XYLT1: variants seen among roughly 807,000 people sequenced by gnomAD.
XYLT1 encodes beta-D-xylosyltransferase 1.
Under a neutral mutation model 91.3 loss-of-function variants are expected in XYLT1, and 36 were observed. The observed-to-expected ratio is 0.39, with a 90% CI of 0.30 to 0.52. The LOEUF (loss-of-function observed/expected upper bound fraction) is 0.52. Ranked by LOEUF, XYLT1 falls within the 20% of genes least tolerant of loss-of-function variation. XYLT1 has a pLI of 0.68. For synonymous variants in XYLT1, 588 were observed against 532.0 expected (o/e 1.11, Z -1.45); for missense variants, 1,242 against 1,284.5 (o/e 0.97, Z 0.51).
chr16:17,249,733 A>T (rs2033506784), intron 3 of XYLT1: 1 of 152,208 alleles, frequency 6.6e-6, no homozygotes, highest in Non-Finnish European at 1.5e-5. Context: ...CAGTGGTGTG[A>T]TCTCAGCTCA....
intron 1 of XYLT1, among the ~76,000 whole-genome samples, chr16:17,423,665 A>G: frequency 6.6e-6 from 1 of 151,300 alleles, no homozygotes; most frequent in East Asian, 2.0e-4. Flanking sequence ...GCTGGAGTGC[A>G]TTGGTGCAAT....
At chr16:17,198,093 A>G (rs1252362919) in intron 5 of XYLT1, 119 bp downstream of exon 5, 1 of 1,034,308 alleles carries the variant, frequency 9.7e-7, no homozygotes, top group Non-Finnish European at 1.4e-6. Flanking sequence ...TCAGAATCCT[A>G]TCCTGAGCGA....
intron 2 of XYLT1, among the ~76,000 whole-genome samples, chr16:17,355,812 T>A (rs904003386): frequency 1.3e-5 from 2 of 152,060 alleles, no homozygotes; most frequent in African/African-American, 4.8e-5. Context: ...TGGGTCCATG[T>A]GATTCTCCTG....
At chr16:17,333,952 C>A (rs1209589640) in intron 2 of XYLT1, among the ~76,000 whole-genome samples, 2 of 152,170 alleles carry the variant, frequency 1.3e-5, no homozygotes, top group East Asian at 3.9e-4. Flanking sequence ...GGTGATCAGG[C>A]CAGAAGAGTT....
At chr16:17,452,737 TG>T (rs1209118291) in intron 1 of XYLT1, among the ~76,000 whole-genome samples, 4 of 152,200 alleles carry the variant, frequency 2.6e-5, no homozygotes, top group Admixed American at 6.5e-5. Flanking sequence ...GAAGGAAGCC[TG>T]GAAGTTTTCT....
chr16:17,268,710 T>A (rs56409870), intron 2 of XYLT1, among the ~76,000 whole-genome samples: 12 of 151,606 alleles, frequency 7.9e-5, no homozygotes, highest in African/African-American at 2.4e-5. Flanking sequence ...TCGCTCTTTG[T>A]TGCCCAGGCT....
intron 4 of XYLT1, among the ~76,000 whole-genome samples, chr16:17,199,427 AT>A (rs1467715763): frequency 1.3e-5 from 2 of 152,202 alleles, no homozygotes; most frequent in African/African-American, 2.4e-5. Flanking sequence ...GACAGAGACT[AT>A]GTGCCCTGCA....
At position 17,384,175 on chromosome 16, in the gene XYLT1, A is replaced by G. The variant is rs75773952; in HGVS notation, c.364-26125T>C. Among the ~76,000 whole-genome samples the G allele has an allele frequency of 5.7e-3, 864 of 152,016 alleles. 8 individuals carry two copies. The highest frequency in any genetic ancestry group is 9.3e-3 in the Non-Finnish European group (630 of 68,024). Reference sequence around the variant, plus strand: ...TAATAATGTATGTAAAACACTTGGCATAGAACCTGGGCTTCTATAAAGCAG... The same window carrying G: ...TAATAATGTATGTAAAACACTTGGCGTAGAACCTGGGCTTCTATAAAGCAG... On this transcript the variant is annotated intron_variant, in intron 1 of 11. Coordinates refer to ENST00000261381, the MANE Select transcript of XYLT1 (RefSeq NM_022166.4).
At chr16:17,158,403 G>A (rs936860166) in intron 6 of XYLT1, among the ~76,000 whole-genome samples, 4 of 152,192 alleles carry the variant, frequency 2.6e-5, no homozygotes, top group Admixed American at 2.6e-4. Context: ...TCTTGTTTGC[G>A]GCTAGAACAG....
chr16:17,408,697 T>C (rs924788836), intron 1 of XYLT1, among the ~76,000 whole-genome samples: 7 of 152,052 alleles, frequency 4.6e-5, no homozygotes, highest in Non-Finnish European at 4.4e-5. Flanking sequence ...AATACAAAAA[T>C]TAGCTGGGCG....
At chr16:17,298,662 G>A (rs1055922739) in intron 2 of XYLT1, among the ~76,000 whole-genome samples, 1 of 152,180 alleles carries the variant, frequency 6.6e-6, no homozygotes, top group Non-Finnish European at 1.5e-5. Flanking sequence ...ACCCGGCAGG[G>A]AAGGGGCTCC....
intron 1 of XYLT1, among the ~76,000 whole-genome samples, chr16:17,377,019 A>C (rs149381223): frequency 0.011 from 1,689 of 151,824 alleles, 23 homozygotes; most frequent in African/African-American, 0.038. Context: ...TCTTCTAAAA[A>C]TACAAAAATT....
chr16:17,261,087 C>CA (rs912616606), intron 2 of XYLT1, among the ~76,000 whole-genome samples: 1 of 151,290 alleles, frequency 6.6e-6, no homozygotes, highest in Non-Finnish European at 1.5e-5. Context: ...CACACACACA[C>CA]AAAAAATAGC....
intron 8 of XYLT1, 85 bp downstream of exon 8, chr16:17,138,270 A>G: frequency 1.3e-6 from 2 of 1,510,976 alleles, no homozygotes; most frequent in South Asian, 2.5e-5. Context: ...TGATAAGATG[A>G]CCTGCAGGTC....
intron 2 of XYLT1, among the ~76,000 whole-genome samples, chr16:17,343,879 A>C (rs893978435): frequency 1.3e-5 from 2 of 152,236 alleles, no homozygotes; most frequent in Non-Finnish European, 2.9e-5. Context: ...TCCAGGTCAC[A>C]TGAGGTCACT....
chr16:17,434,197 G>A (rs1471747242), intron 1 of XYLT1, among the ~76,000 whole-genome samples: 2 of 152,228 alleles, frequency 1.3e-5, no homozygotes, highest in Non-Finnish European at 2.9e-5. Context: ...AACCTTTGCA[G>A]ATTGCCTCCA....
chr16:17,459,928 G>T (rs769093542), intron 1 of XYLT1, among the ~76,000 whole-genome samples: 1 of 152,168 alleles, frequency 6.6e-6, no homozygotes, highest in Non-Finnish European at 1.5e-5. Flanking sequence ...AGGAAGGAAC[G>T]CAGACAACCC....
intron 1 of XYLT1, among the ~76,000 whole-genome samples, chr16:17,433,096 G>A (rs762163461): frequency 9.2e-5 from 14 of 152,022 alleles, no homozygotes; most frequent in Non-Finnish European, 2.1e-4. Flanking sequence ...GATGACAAAG[G>A]CTCAGCCCAT....
At position 17,108,382 on chromosome 16, in the gene XYLT1, A is replaced by G. The variant is rs531085938; in HGVS notation, c.*313T>C. ...TGCTGCTCGAAAGAAAAGTCTGAAA[A>G]TCACACGTCTGGGGTCAGGGGTGGG... On this transcript the variant is annotated 3_prime_UTR_variant, in exon 12 of 12. Coordinates refer to ENST00000261381, the MANE Select transcript of XYLT1 (RefSeq NM_022166.4). 124 of 307,470 alleles carry G rather than the reference A, an allele frequency of 4.0e-4. No individual in the cohort carries two copies. Among genetic ancestry groups the G allele is most frequent in the Non-Finnish European group, 6.3e-4 (105 of 167,666 alleles). The allele number at this position is 307,470 out of a possible 1,614,324, so 19.0% of individuals were successfully genotyped here. A position where few individuals can be genotyped will look rare whatever the true frequency, so the allele number is the denominator to read the frequency against.
Sources: gnomAD v4.1 joint callset for allele counts (sites outside exome capture counted in the v4.1 genomes callset) on GRCh38, gnomAD v4.1.1 for gene constraint, MANE v1.5 for transcripts, NCBI Gene and HGNC (gene_info 2026-07-23, HGNC 2026-07-21) for gene names.